GRID2: variants seen among roughly 807,000 people sequenced by gnomAD.
GRID2 encodes glutamate receptor ionotropic, delta-2.
Under a neutral mutation model 114.8 loss-of-function variants are expected in GRID2, and 33 were observed. The ratio of observed to expected loss-of-function variants is 0.29; its 90% CI spans 0.22 to 0.38. GRID2 has a LOEUF of 0.38. Ranked by LOEUF, GRID2 falls within the 10% of genes least tolerant of loss-of-function variation. GRID2 has a pLI of 1.00. For missense variants in GRID2, 1,184 were observed against 1,257.7 expected (o/e 0.94, Z 0.89); for synonymous variants, 505 against 449.9 (o/e 1.12, Z -1.55).
At chr4:92,414,745 T>C (rs1191098289) in intron 1 of GRID2, among the ~76,000 whole-genome samples, 1 of 152,170 alleles carries the variant, frequency 6.6e-6, no homozygotes, top group Non-Finnish European at 1.5e-5. Flanking sequence ...ATGAAGGTTT[T>C]TTTATATTTA....
intron 2 of GRID2, among the ~76,000 whole-genome samples, chr4:92,980,717 A>G (rs891526550): frequency 1.3e-5 from 2 of 152,136 alleles, no homozygotes; most frequent in African/African-American, 4.8e-5. Context: ...ATATTATATC[A>G]ATGATATAAA....
chr4:93,739,811 G>T (rs1242249794), intron 14 of GRID2, among the ~76,000 whole-genome samples: 1 of 152,058 alleles, frequency 6.6e-6, no homozygotes. Context: ...CTCAGCTTCC[G>T]GTTGACCTGA....
chr4:93,108,232 T>G (rs1272271774), intron 3 of GRID2, among the ~76,000 whole-genome samples: 1 of 152,204 alleles, frequency 6.6e-6, no homozygotes, highest in Non-Finnish European at 1.5e-5. Context: ...GCATTCATTG[T>G]TTTCTTCCAA....
At chr4:92,521,402 G>T (rs1190002898) in intron 1 of GRID2, among the ~76,000 whole-genome samples, 1 of 151,870 alleles carries the variant, frequency 6.6e-6, no homozygotes. Context: ...CATTTTAATA[G>T]TATCGACAAT....
chr4:93,539,703 T>C (rs149651548), intron 13 of GRID2, among the ~76,000 whole-genome samples: 1 of 152,150 alleles, frequency 6.6e-6, no homozygotes, highest in East Asian at 1.9e-4. Flanking sequence ...TTATTTGCAG[T>C]ATTGGTTGGG....
intron 2 of GRID2, among the ~76,000 whole-genome samples, chr4:92,968,780 A>T (rs1214398373): frequency 6.6e-6 from 1 of 151,672 alleles, no homozygotes; most frequent in East Asian, 1.9e-4. Context: ...GCAACCACTA[A>T]TCTACTTTCT....
At chr4:92,808,425 G>A (rs1740516259) in intron 2 of GRID2, among the ~76,000 whole-genome samples, 1 of 152,104 alleles carries the variant, frequency 6.6e-6, no homozygotes, top group African/African-American at 2.4e-5. Flanking sequence ...CATAAGATCA[G>A]CATATATGAT....
intron 11 of GRID2, among the ~76,000 whole-genome samples, chr4:93,468,001 A>T (rs1724453334): frequency 6.6e-6 from 1 of 152,198 alleles, no homozygotes; most frequent in East Asian, 1.9e-4. Flanking sequence ...TGAGAAAACA[A>T]GTTTGTACTT....
intron 1 of GRID2, among the ~76,000 whole-genome samples, chr4:92,470,789 G>T (rs1280687142): frequency 6.6e-6 from 1 of 151,914 alleles, no homozygotes; most frequent in Non-Finnish European, 1.5e-5. Context: ...TGTCAGTTAT[G>T]ACTCATAATA....
chr4:92,806,293 A>G (rs1320840890), intron 2 of GRID2, among the ~76,000 whole-genome samples: 1 of 151,696 alleles, frequency 6.6e-6, no homozygotes, highest in Non-Finnish European at 1.5e-5. Context: ...GACTTAGAAA[A>G]CTATCTCTTA....
intron 8 of GRID2, among the ~76,000 whole-genome samples, chr4:93,357,225 A>G (rs1415073057): frequency 7.0e-6 from 1 of 142,244 alleles, no homozygotes; most frequent in African/African-American, 2.9e-5. Context: ...TTTAATTTTT[A>G]CCAAACTGAC....
At chr4:92,340,420 C>A (rs970312699) in intron 1 of GRID2, among the ~76,000 whole-genome samples, 4 of 152,136 alleles carry the variant, frequency 2.6e-5, no homozygotes, top group Non-Finnish European at 5.9e-5. Flanking sequence ...TCTTGGTGCA[C>A]AAAGCCCTTC....
intron 14 of GRID2, among the ~76,000 whole-genome samples, chr4:93,705,114 G>A (rs914121753): frequency 2.0e-5 from 3 of 152,044 alleles, no homozygotes; most frequent in African/African-American, 4.8e-5. Flanking sequence ...ACCAGCATTG[G>A]TTATAGCCTA....
intron 2 of GRID2, among the ~76,000 whole-genome samples, chr4:92,766,536 C>CAAA (rs34162997): frequency 1.6e-4 from 14 of 86,934 alleles, no homozygotes; most frequent in African/African-American, 4.5e-4. Flanking sequence ...GACTCCTTCT[C>CAAA]AAAAAAAAAA....
At chr4:92,373,805 A>G (rs1330200999) in intron 1 of GRID2, among the ~76,000 whole-genome samples, 1 of 152,186 alleles carries the variant, frequency 6.6e-6, no homozygotes, top group East Asian at 1.9e-4. Flanking sequence ...TAATATGCAC[A>G]GAAACTCTCT....
At chr4:93,338,394 A>G (rs2904482) in intron 8 of GRID2, among the ~76,000 whole-genome samples, 106,000 of 152,044 alleles carry the variant, frequency 0.7, 38,017 homozygotes, top group African/African-American at 0.87. Flanking sequence ...TGCCATAGCG[A>G]AGCATGCAGT....
chr4:92,475,455 A>G (rs1056028914), intron 1 of GRID2, among the ~76,000 whole-genome samples: 2 of 151,718 alleles, frequency 1.3e-5, no homozygotes, highest in African/African-American at 4.8e-5. Context: ...TGTTGTTGAC[A>G]TCTTGGTCAA....
intron 1 of GRID2, among the ~76,000 whole-genome samples, chr4:92,513,882 C>T (rs1352861194): frequency 6.6e-6 from 1 of 151,822 alleles, no homozygotes; most frequent in Non-Finnish European, 1.5e-5. Context: ...GTGTAGACCT[C>T]TAATTAGAAA....
At chr4:92,603,694 A>G (rs1729327026) in intron 2 of GRID2, among the ~76,000 whole-genome samples, 1 of 152,006 alleles carries the variant, frequency 6.6e-6, no homozygotes, top group South Asian at 2.1e-4. Flanking sequence ...ACAAATAAAT[A>G]TAATTTAACT....
Sources: gnomAD v4.1 joint callset for allele counts (sites outside exome capture counted in the v4.1 genomes callset) on GRCh38, gnomAD v4.1.1 for gene constraint, MANE v1.5 for transcripts, NCBI Gene and HGNC (gene_info 2026-07-23, HGNC 2026-07-21) for gene names.